MBTPS2: variants seen among roughly 807,000 people sequenced by gnomAD.
MBTPS2 encodes the protein membrane-bound transcription factor site-2 protease.
MBTPS2 carries 2 observed loss-of-function variants against 35.4 expected under a neutral mutation model. The observed-to-expected ratio is 0.06, with a 90% CI of 0.02 to 0.18. The LOEUF is 0.18. Ranked by LOEUF, MBTPS2 falls within the 10% of genes least tolerant of loss-of-function variation. The pLI is 1.00. For missense variants in MBTPS2, 244 were observed against 386.5 expected (o/e 0.63, Z 3.09); for synonymous variants, 125 against 140.4 (o/e 0.89, Z 0.77).
chrX:21,853,691 A>C (rs1220017439), intron 5 of MBTPS2, among the ~76,000 whole-genome samples, 188 bp downstream of exon 5: 1 of 111,954 alleles, frequency 8.9e-6, no homozygotes, highest in African/African-American at 3.2e-5. Flanking sequence ...CCTTAAAACC[A>C]ACTAAAAACA....
intron 5 of MBTPS2, chrX:21,857,522 T>G: frequency 8.2e-7 from 1 of 1,212,191 alleles, no homozygotes; most frequent in Admixed American, 2.2e-5. Flanking sequence ...GCCCCTTCGA[T>G]GTTTGCAACA....
chrX:21,881,501 A>G (rs1296390036), intron 10 of MBTPS2, among the ~76,000 whole-genome samples: 1 of 112,326 alleles, frequency 8.9e-6, no homozygotes, highest in Non-Finnish European at 1.9e-5. Context: ...ATTAATTATT[A>G]TGCAGAATTG....
At chrX:21,840,062 G>T (rs1376935849) in intron 1 of MBTPS2, among the ~76,000 whole-genome samples, 1 of 112,124 alleles carries the variant, frequency 8.9e-6, no homozygotes, top group Non-Finnish European at 1.9e-5. Context: ...CCCGGGAGGC[G>T]CCAGTGGTGG....
At chrX:21,856,288 TC>T in intron 5 of MBTPS2, 1 of 278,834 alleles carries the variant, frequency 3.6e-6, no homozygotes, top group Non-Finnish European at 5.8e-6. Flanking sequence ...CTCGCGCCTT[TC>T]TCTGCAGCTC....
chrX:21,882,584 A>G lies in MBTPS2; in HGVS notation c.1489A>G (p.Ile497Val). ...NDVKDLIGFF[I>V]LLGGSVLLAA... ...TGTCAAAGATCTAATAGGGTTTTTCATCTTGCTGGGTGGCAGTGTACTTTT... is the reference window on the plus strand; with the variant it reads ...TGTCAAAGATCTAATAGGGTTTTTCGTCTTGCTGGGTGGCAGTGTACTTTT... Residue 497 changes from isoleucine (I) to valine (V), a missense_variant, in exon 11 of 11, where the codon ATC (isoleucine) becomes GTC (valine). Transcript: ENST00000379484. The G allele has an allele frequency of 3.3e-6, 4 of 1,211,682 alleles. No homozygotes were observed. Among genetic ancestry groups the G allele is most frequent in the Non-Finnish European group, 4.5e-6 (4 of 895,470 alleles).
In MBTPS2 at chrX:21,843,321, A is replaced by G. The variant is rs2092904793; in HGVS notation, c.224+3A>G. Reference sequence around the variant, plus strand: ...AAAGCAAGGATGCTTTACCAATGGTATTCTTCATCTTCTTTTGTTTGGTTT... The same window carrying G: ...AAAGCAAGGATGCTTTACCAATGGTGTTCTTCATCTTCTTTTGTTTGGTTT... On this transcript the variant is annotated splice_donor_region_variant and intron_variant, in intron 2 of 10. Transcript: ENST00000379484. 3 of 1,202,324 alleles carry G rather than the reference A, an allele frequency of 2.5e-6. No individual in the cohort carries two copies. The highest frequency in any genetic ancestry group is 3.4e-6 in the Non-Finnish European group (3 of 886,769).
chrX:21,856,270 T>G (rs2092921318), intron 5 of MBTPS2: 2 of 418,073 alleles, frequency 4.8e-6, no homozygotes, highest in African/African-American at 5.1e-5. Context: ...GCTCGTGCTT[T>G]CCTCAGTCTC....
rs746575323 is a variant in MBTPS2, at chrX:21,868,337, A to G, written c.671-130A>G. On this transcript the variant is annotated intron_variant, in intron 5 of 10. Transcript: ENST00000379484. ...ATCTGTCTGCTCTACTAATAAGTAGATATTTTTGCCTCATTGCTTCTTCTG... is the reference window on the plus strand; with the variant it reads ...ATCTGTCTGCTCTACTAATAAGTAGGTATTTTTGCCTCATTGCTTCTTCTG... 1.5e-4 allele frequency: 83 copies of G among 556,346 alleles called. No individual in the cohort carries two copies. The South Asian group carries it at 1.8e-3, about 12-fold the overall frequency. The allele number at this position is 556,346 out of a possible 1,213,427, so 45.8% of individuals were successfully genotyped here. A position where few individuals can be genotyped will look rare whatever the true frequency, so the allele number is the denominator to read the frequency against.
intron 9 of MBTPS2, 27 bp downstream of exon 9, chrX:21,878,719 G>A: frequency 9.6e-7 from 1 of 1,036,996 alleles, no homozygotes; most frequent in African/African-American, 1.8e-5. Context: ...TAGACCCTTA[G>A]AAAATCATTA....
intron 7 of MBTPS2, chrX:21,870,986 T>G (rs2092946636): frequency 8.9e-6 from 1 of 112,124 alleles, no homozygotes; most frequent in Non-Finnish European, 1.9e-5. Context: ...TGATTAATAA[T>G]CAAGAATAGT....
intron 7 of MBTPS2, among the ~76,000 whole-genome samples, chrX:21,873,494 T>A (rs1008282204): frequency 1.8e-5 from 2 of 112,178 alleles, no homozygotes; most frequent in African/African-American, 6.5e-5. Flanking sequence ...CATATATGCA[T>A]AAAGCTAAAT....
intron 10 of MBTPS2, 59 bp from the exon 11 acceptor site, chrX:21,882,374 A>G (rs2092960412): frequency 3.6e-5 from 31 of 866,559 alleles, no homozygotes; most frequent in Non-Finnish European, 5.2e-5. Flanking sequence ...TCTGACTCAT[A>G]GAAATATGGT....
intron 5 of MBTPS2, among the ~76,000 whole-genome samples, chrX:21,861,362 C>T (rs1161473375): frequency 2.7e-5 from 3 of 111,339 alleles, no homozygotes; most frequent in Non-Finnish European, 3.8e-5. Context: ...CTTAACTGGA[C>T]GCCTAACATT....
At chrX:21,876,739 A>G (rs2092953581) in intron 7 of MBTPS2, among the ~76,000 whole-genome samples, 1 of 111,624 alleles carries the variant, frequency 9.0e-6, no homozygotes, top group African/African-American at 3.3e-5. Flanking sequence ...TTCCTCAAAC[A>G]ATAGAGTAAA....
chrX:21,868,910 G>A (rs375991164), intron 6 of MBTPS2, among the ~76,000 whole-genome samples: 7 of 111,907 alleles, frequency 6.3e-5, no homozygotes, highest in African/African-American at 1.3e-4. Context: ...ATGTCTTTAC[G>A]CCTCCTAAGT....
intron 8 of MBTPS2, 60 bp downstream of exon 8, chrX:21,878,196 A>G: frequency 1.2e-6 from 1 of 811,216 alleles, no homozygotes; most frequent in Non-Finnish European, 1.9e-6. Context: ...ATAAGCATAT[A>G]GAGCTAAAAT....
intron 1 of MBTPS2, chrX:21,841,647 T>A (rs1459450728): frequency 9.8e-6 from 1 of 102,476 alleles, no homozygotes; most frequent in Non-Finnish European, 2.0e-5. Flanking sequence ...GCCACATGAT[T>A]TCTTCATGTT....
chrX:21,851,666 T>G, intron 4 of MBTPS2, 54 bp downstream of exon 4: 1 of 823,659 alleles, frequency 1.2e-6, no homozygotes, highest in South Asian at 2.0e-5. Flanking sequence ...GCTTTTCATT[T>G]AGGAGGATTT....
rs182240305 is a variant in MBTPS2 at position 21,877,196 on chromosome X, C to T, written c.971-846C>T. 1.5e-4 allele frequency among the ~76,000 whole-genome samples: 17 copies of T among 112,259 alleles called. No individual in the cohort carries two copies. In the East Asian group the frequency reaches 4.8e-3, roughly 31 times the overall value. On this transcript the variant is annotated intron_variant, in intron 7 of 10. Coordinates refer to ENST00000379484, the MANE Select transcript of MBTPS2 (RefSeq NM_015884.4). ...ATAGCTCACGCCTGTAATCTCAGCA[C>T]TTTGGGAGGCCGAGGTGGGCAGATC... is the stretch of plus-strand genomic sequence containing the variant.
Sources: gnomAD v4.1 joint callset for allele counts (sites outside exome capture counted in the v4.1 genomes callset) on GRCh38, gnomAD v4.1.1 for gene constraint, MANE v1.5 for transcripts, NCBI Gene and HGNC (gene_info 2026-07-23, HGNC 2026-07-21) for gene names.